The following GREB1 variants were observed in gnomAD, a reference collection of about 807,000 sequenced individuals.
The protein encoded by GREB1 is protein GREB1.
A neutral mutation model predicts 200.7 loss-of-function variants in GREB1; 106 were observed. The ratio of observed to expected loss-of-function variants is 0.53; its 90% CI spans 0.45 to 0.62. The LOEUF (loss-of-function observed/expected upper bound fraction) is 0.62. Among genes scored for constraint, GREB1 ranks in the 20% least tolerant of loss-of-function variants. The pLI is 0.00. For synonymous variants in GREB1, 1,132 were observed against 1,092.4 expected, an observed-to-expected ratio of 1.04 and a Z score of -0.72; for missense variants, 2,243 against 2,556.8, an observed-to-expected ratio of 0.88 and a Z score of 2.65.
chr2:11,502,141 T>G (rs1281471727), intron 1 of GREB1, among the ~76,000 whole-genome samples: 3 of 151,480 alleles, frequency 2.0e-5, no homozygotes, highest in African/African-American at 7.3e-5. Context: ...GGTCTCGAAC[T>G]CTTGACCTCA....
intron 1 of GREB1, among the ~76,000 whole-genome samples, chr2:11,497,383 T>G (rs1209142274): frequency 6.6e-6 from 1 of 152,230 alleles, no homozygotes; most frequent in Admixed American, 6.5e-5. Context: ...TTGAAGGATA[T>G]CTGAGTTGTT....
At chr2:11,612,782 G>A (rs1175886649) in intron 19 of GREB1, among the ~76,000 whole-genome samples, 172 bp downstream of exon 19, 5 of 152,224 alleles carry the variant, frequency 3.3e-5, no homozygotes, top group East Asian at 3.8e-4. Flanking sequence ...GCCTGAGTGC[G>A]TCTGAGGCCC....
intron 11 of GREB1, among the ~76,000 whole-genome samples, chr2:11,594,743 A>G (rs1427295518): frequency 6.6e-6 from 1 of 151,764 alleles, no homozygotes; most frequent in African/African-American, 2.4e-5. Context: ...CCCAGGCTGG[A>G]GTGTAGTGAC....
At position 11,566,585 on chromosome 2, in the gene GREB1, C is replaced by A; in HGVS notation, c.383C>A (p.Pro128Gln). Residue 128 changes from proline to glutamine, a missense_variant, in exon 4 of 33, where the codon CCG becomes CAG. Pro to Gln is a moderately conservative substitution (Grantham distance 76). Coordinates refer to ENST00000381486, the MANE Select transcript of GREB1 (RefSeq NM_014668.4). ...LLVGVKSPSL[P>Q]DHLLVCAVDK... is the part of the protein sequence containing the mutation. ...GTGGGGGTCAAGTCCCCCAGCCTGC[C>A]GGACCATCTCCTGGTGTGCGCCGTT... The A allele has an allele frequency of 6.2e-7, 1 of 1,614,152 alleles. No homozygotes were observed. The highest frequency in any genetic ancestry group is 8.5e-7 in the Non-Finnish European group (1 of 1,180,016).
intron 1 of GREB1, among the ~76,000 whole-genome samples, chr2:11,544,512 G>A (rs913802694): frequency 3.9e-5 from 6 of 152,110 alleles, no homozygotes; most frequent in African/African-American, 7.2e-5. Context: ...CACTGCGCCC[G>A]GCCGAGCCTT....
intron 4 of GREB1, among the ~76,000 whole-genome samples, chr2:11,574,689 G>A (rs1678663006): frequency 6.6e-6 from 1 of 152,172 alleles, no homozygotes; most frequent in Admixed American, 6.5e-5. Context: ...TTGAACAATT[G>A]GCCTCTCTGG....
At chr2:11,503,021 G>A (rs1673089148) in intron 1 of GREB1, among the ~76,000 whole-genome samples, 1 of 152,190 alleles carries the variant, frequency 6.6e-6, no homozygotes, top group Admixed American at 6.6e-5. Flanking sequence ...AGAAAGGGAG[G>A]CTGCTGCAGA....
At chr2:11,589,670 C>T (rs549741736) in intron 10 of GREB1, among the ~76,000 whole-genome samples, 116 of 152,326 alleles carry the variant, frequency 7.6e-4, no homozygotes, top group African/African-American at 2.7e-3. Flanking sequence ...ATGGGGCAGA[C>T]GCAGTGGCGG....
intron 3 of GREB1, among the ~76,000 whole-genome samples, chr2:11,563,954 G>A (rs557210915): frequency 2.6e-5 from 4 of 152,262 alleles, no homozygotes; most frequent in Admixed American, 6.5e-5. Context: ...GGGCTCTAAC[G>A]CAGGTAGAGA....
rs1252011795 is a variant in GREB1, at chr2:11,492,568, C to T, written c.-159+10187C>T. Reference sequence around the variant, plus strand: ...GTTTCTGTGAGACCCTGACCTGGGTCCCCCCTGAGCTGAGTTCCCACTCAC... The same window carrying T: ...GTTTCTGTGAGACCCTGACCTGGGTTCCCCCTGAGCTGAGTTCCCACTCAC... On this transcript the variant is annotated intron_variant, in intron 1 of 2. Coordinates refer to the GREB1 transcript ENST00000628795. The surrounding 1 kb of genome is among the most constrained non-coding windows in gnomAD (Gnocchi z 4.0). Among the ~76,000 whole-genome samples the T allele has an allele frequency of 6.6e-6, 1 of 152,108 alleles. No individual in the cohort carries two copies. The highest frequency in any genetic ancestry group is 1.5e-5 in the Non-Finnish European group (1 of 68,018).
At position 11,525,271 on chromosome 2, in the gene GREB1, G is replaced by T. The variant is rs889662473; in HGVS notation, c.-158-31186G>T. Among the ~76,000 whole-genome samples the T allele has an allele frequency of 5.9e-5, 9 of 152,094 alleles. 2 individuals are homozygous for T. The highest frequency in any genetic ancestry group is 2.2e-4 in the African/African-American group (9 of 41,402). On this transcript the variant is annotated intron_variant, in intron 1 of 2. Coordinates refer to the GREB1 transcript ENST00000628795. ...TGTAATCTCAGCACTTCAGGAGGCC[G>T]AAGGGGGTGGATCACTTGAGGTCAG...
intron 9 of GREB1, chr2:11,588,275 A>G: frequency 2.8e-6 from 3 of 1,069,042 alleles, no homozygotes; most frequent in Non-Finnish European, 3.4e-6. Flanking sequence ...GTGGTGATAT[A>G]TTGTCCCAAC....
chr2:11,580,650 T>A lies in GREB1; in HGVS notation c.773-54T>A. On this transcript the variant is annotated intron_variant, in intron 6 of 32. Transcript: ENST00000381486. The surrounding 1 kb of genome is among the most constrained non-coding windows in gnomAD (Gnocchi z 4.5). The stretch of plus-strand genomic sequence containing the variant: ...GAAAATGATTTCCTCCTTGCCTGGC[T>A]CCCAGGGCATTCTTGTGAACTGACC... 2 of 1,545,226 alleles carry A rather than the reference T, an allele frequency of 1.3e-6. No homozygotes were observed. The highest frequency in any genetic ancestry group is 1.7e-6 in the Non-Finnish European group (2 of 1,144,248).
intron 17 of GREB1, among the ~76,000 whole-genome samples, chr2:11,605,176 T>TA (rs1553372930): frequency 1.4e-4 from 20 of 140,800 alleles, no homozygotes; most frequent in Admixed American, 4.2e-4. Context: ...TTTTTTTTTT[T>TA]ACGCAGCAGC....
chr2:11,547,232 C>T (rs780922237), intron 1 of GREB1, among the ~76,000 whole-genome samples: 1 of 152,204 alleles, frequency 6.6e-6, no homozygotes, highest in African/African-American at 2.4e-5. Flanking sequence ...CATGAGCCAC[C>T]GTGCTCGGCT....
intron 19 of GREB1, among the ~76,000 whole-genome samples, chr2:11,614,512 G>T (rs1167163937): frequency 1.3e-5 from 2 of 152,014 alleles, no homozygotes; most frequent in Admixed American, 6.6e-5. Flanking sequence ...GGCTTCTGTC[G>T]CTAGGAAGTA....
chr2:11,628,090 G>A (rs1204879421), intron 25 of GREB1, among the ~76,000 whole-genome samples: 1 of 152,168 alleles, frequency 6.6e-6, no homozygotes, highest in South Asian at 2.1e-4. Flanking sequence ...AAAATGCCTG[G>A]TGGGCACTGT....
At chr2:11,632,464 G>A (rs902201477) in intron 27 of GREB1, among the ~76,000 whole-genome samples, 15 of 149,528 alleles carry the variant, frequency 1.0e-4, no homozygotes, top group Admixed American at 4.1e-4. Context: ...TCAGCTACCC[G>A]AGTAGCTGGA....
intron 15 of GREB1, among the ~76,000 whole-genome samples, chr2:11,600,039 C>G (rs1401112305): frequency 2.0e-5 from 3 of 152,288 alleles, no homozygotes; most frequent in South Asian, 2.1e-4. Context: ...GTGGAGAAAG[C>G]CTTTGATTGT....
Sources: allele counts gnomAD v4.1 joint callset (sites outside exome capture counted in the v4.1 genomes callset), GRCh38; gene constraint gnomAD v4.1.1; non-coding constraint Gnocchi (gnomAD v3.1); transcripts MANE v1.5; gene names NCBI Gene and HGNC (gene_info 2026-07-23, HGNC 2026-07-21).